The following ZZZ3 variants were observed in gnomAD, a reference collection of about 807,000 sequenced individuals.
The protein encoded by ZZZ3 is ZZ-type zinc finger-containing protein 3.
In ZZZ3, 22 loss-of-function variants were observed where a neutral mutation model predicts 95.2. The observed-to-expected ratio is 0.23, with a 90% CI of 0.17 to 0.33. ZZZ3 has a LOEUF of 0.33. ZZZ3 is among the 10% of genes least tolerant of loss of function. The pLI is 1.00. For synonymous variants in ZZZ3, 335 were observed against 358.9 expected (o/e 0.93, Z 0.75); for missense variants, 885 against 1,066.5 (o/e 0.83, Z 2.37).
In ZZZ3 at chr1:77,579,572, G is replaced by A; in HGVS notation, c.2037C>T (p.Arg679=). The A allele has an allele frequency of 6.3e-7, 1 of 1,587,796 alleles. No homozygotes were observed. The highest frequency in any genetic ancestry group is 8.6e-7 in the Non-Finnish European group (1 of 1,169,110). Residue 679 remains arginine (R), a synonymous_variant, in exon 10 of 15, where the codon CGC becomes CGT. Coordinates refer to ENST00000370801, the MANE Select transcript of ZZZ3 (RefSeq NM_015534.6). ...KYPPEEVESR[R]WQKIADELGN... ...CCAATTCATCTGCTATCTTCTGCCA[G>A]CGTCGAGATTCTACTTCTTCAGGAG...
chr1:77,634,063 A>G (rs952769257), intron 4 of ZZZ3, among the ~76,000 whole-genome samples: 3 of 152,022 alleles, frequency 2.0e-5, no homozygotes, highest in Admixed American at 6.6e-5. Flanking sequence ...CCAGATACTC[A>G]GGAGGCTGAG....
intron 5 of ZZZ3, among the ~76,000 whole-genome samples, chr1:77,588,713 CAAAAAA>C (rs145698640): frequency 6.7e-6 from 1 of 149,176 alleles, no homozygotes; most frequent in African/African-American, 2.5e-5. Context: ...TAGAATAACT[CAAAAAA>C]AAAATTACAC....
intron 11 of ZZZ3, among the ~76,000 whole-genome samples, chr1:77,577,629 T>G (rs536525729): frequency 6.6e-6 from 1 of 152,338 alleles, no homozygotes; most frequent in South Asian, 2.1e-4. Flanking sequence ...AGATATACTC[T>G]TAGCTTCTCT....
chr1:77,643,133 A>C (rs1384151249), intron 1 of ZZZ3, among the ~76,000 whole-genome samples: 1 of 151,968 alleles, frequency 6.6e-6, no homozygotes, highest in African/African-American at 2.4e-5. Context: ...GGGCAGTGAG[A>C]CCTGATTGCA....
chr1:77,581,209 T>C, intron 8 of ZZZ3, 140 bp from the exon 9 acceptor site: 2 of 667,324 alleles, frequency 3.0e-6, no homozygotes, highest in Non-Finnish European at 2.6e-6. Flanking sequence ...GTATATGCTT[T>C]TTTTTTAACT....
Position 77,578,774 on chromosome 1 carries a change from CT to C in ZZZ3, c.2177del (p.Lys726SerfsTer22). Reference protein sequence around the residue: ...RTPNLYIYSKKSSTSRRQHPL... With the variant: ...RTPNLYIYSKXSSTSRRQHPL... ...TTTACTTTCATGTATTTTCTTTTAC[CT>C]TTTTGGAGTATATATATAAGTTTGG... On this transcript the variant is annotated frameshift_variant and splice_region_variant, in exon 11 of 15. Coordinates refer to ENST00000370801, the MANE Select transcript of ZZZ3 (RefSeq NM_015534.6). LOFTEE classifies it high-confidence loss of function. 1 of 1,502,136 alleles carries C rather than the reference CT, an allele frequency of 6.7e-7. No individual in the cohort carries two copies. The allele number at this position is 1,502,136 out of a possible 1,614,324, so 93.1% of individuals were successfully genotyped here. A position where few individuals can be genotyped will look rare whatever the true frequency, so the allele number is the denominator to read the frequency against.
intron 13 of ZZZ3, 143 bp downstream of exon 13, chr1:77,568,189 G>A: frequency 1.7e-6 from 1 of 583,526 alleles, no homozygotes; most frequent in Admixed American, 4.1e-5. Context: ...TGAGACACGA[G>A]AATCGCTTGA....
chr1:77,580,132 T>C (rs568085441), intron 9 of ZZZ3: 2 of 152,676 alleles, frequency 1.3e-5, no homozygotes, highest in African/African-American at 4.8e-5. Flanking sequence ...CTCCTGTATC[T>C]TCTCATAGTC....
At chr1:77,660,599 T>G (rs1209035394) in intron 1 of ZZZ3, among the ~76,000 whole-genome samples, 7 of 152,182 alleles carry the variant, frequency 4.6e-5, no homozygotes, top group Admixed American at 4.6e-4. Context: ...TATACCACAT[T>G]TTGCTCATCC....
intron 1 of ZZZ3, among the ~76,000 whole-genome samples, chr1:77,655,932 GAT>G (rs1249469929): frequency 2.0e-5 from 3 of 152,174 alleles, no homozygotes; most frequent in Non-Finnish European, 4.4e-5. Flanking sequence ...TAGCAAGACT[GAT>G]TCATTTCAAG....
rs1670517943 is a variant in ZZZ3, at chr1:77,658,737, T to A, written c.-402-17082A>T. 3.9e-5 allele frequency among the ~76,000 whole-genome samples: 6 copies of A among 152,300 alleles called. No individual in the cohort carries two copies. The South Asian group carries it at 1.2e-3, about 32-fold the overall frequency. ...GACCATTTCCATTCTGTTAGGACAT[T>A]TAAGCTGCTTCTGATATTATACTAT... is the stretch of plus-strand genomic sequence containing the variant. On this transcript the variant is annotated intron_variant, in intron 1 of 14. Coordinates refer to ENST00000370801, the MANE Select transcript of ZZZ3 (RefSeq NM_015534.6).
chr1:77,659,824 T>TTTTG (rs373522358), intron 1 of ZZZ3, among the ~76,000 whole-genome samples: 33 of 150,384 alleles, frequency 2.2e-4, no homozygotes, highest in African/African-American at 4.9e-4. Flanking sequence ...GTTGTTGTGG[T>TTTTG]TTTGTTTGTT....
intron 3 of ZZZ3, 54 bp downstream of exon 3, chr1:77,641,330 T>C (rs987304336): frequency 5.3e-6 from 2 of 378,740 alleles, no homozygotes; most frequent in Non-Finnish European, 9.3e-6. Context: ...TCCACTACGA[T>C]ATTTAGCAGG....
At chr1:77,652,990 C>T (rs1215302418) in intron 1 of ZZZ3, among the ~76,000 whole-genome samples, 1 of 152,074 alleles carries the variant, frequency 6.6e-6, no homozygotes, top group Non-Finnish European at 1.5e-5. Context: ...AGTTCGAGAC[C>T]ATCTTGGGCA....
At chr1:77,659,462 G>C (rs1049182582) in intron 1 of ZZZ3, among the ~76,000 whole-genome samples, 6 of 151,878 alleles carry the variant, frequency 4.0e-5, no homozygotes, top group Non-Finnish European at 7.4e-5. Flanking sequence ...TCAGGAGCTC[G>C]AGACCAGCCT....
Position 77,639,429 on chromosome 1 carries a change from T to G in ZZZ3, c.-52+20A>C. On this transcript the variant is annotated intron_variant, in intron 4 of 14. Transcript: ENST00000370801. The stretch of plus-strand genomic sequence containing the variant: ...GTCAAACTATAGCTGTCTTCACTAC[T>G]GCAAAACTAAATAACTTACCTGTAC... 6.6e-7 allele frequency: 1 copy of G among 1,507,184 alleles called. No homozygotes were observed. Among genetic ancestry groups the G allele is most frequent in the South Asian group, 1.3e-5 (1 of 74,948 alleles). 93.4% of individuals were successfully genotyped at this position (1,507,184 alleles called of 1,614,324 possible).
At chr1:77,575,579 A>T (rs1002608275) in intron 12 of ZZZ3, among the ~76,000 whole-genome samples, 2 of 152,258 alleles carry the variant, frequency 1.3e-5, no homozygotes, top group African/African-American at 4.8e-5. Context: ...GCAAAATTCT[A>T]TAAGACAAAT....
chr1:77,676,733 T>C (rs1672301894), intron 1 of ZZZ3, among the ~76,000 whole-genome samples: 1 of 151,970 alleles, frequency 6.6e-6, no homozygotes, highest in South Asian at 2.1e-4. Flanking sequence ...CTAAAAACAA[T>C]ATGAATGTTC....
intron 5 of ZZZ3, among the ~76,000 whole-genome samples, chr1:77,611,563 C>T (rs985529815): frequency 6.6e-6 from 1 of 151,838 alleles, no homozygotes; most frequent in Non-Finnish European, 1.5e-5. Flanking sequence ...AACCCAAAGC[C>T]GGAAGCATCA....
Sources: allele counts gnomAD v4.1 joint callset (sites outside exome capture counted in the v4.1 genomes callset), GRCh38; gene constraint gnomAD v4.1.1; transcripts MANE v1.5; gene names NCBI Gene and HGNC (gene_info 2026-07-23, HGNC 2026-07-21).